Variants in COPS4 observed in about 807,000 individuals in gnomAD.
The protein encoded by COPS4 is COP9 signalosome subunit 4.
In COPS4, 8 loss-of-function variants were observed where a neutral mutation model predicts 55.1. That is an observed-to-expected ratio of 0.15 (90% CI 0.09 to 0.26). COPS4 has a LOEUF of 0.26. Among genes scored for constraint, COPS4 ranks in the 10% least tolerant of loss-of-function variants. The pLI is 1.00. For missense variants in COPS4, 248 were observed against 484.0 expected, an observed-to-expected ratio of 0.51 and a Z score of 4.58; for synonymous variants, 185 against 165.7, an observed-to-expected ratio of 1.12 and a Z score of -0.90.
intron 1 of COPS4, among the ~76,000 whole-genome samples, chr4:83,037,415 C>T (rs1730453083): frequency 6.6e-6 from 1 of 152,208 alleles, no homozygotes; most frequent in African/African-American, 2.4e-5. Flanking sequence ...GTTACTGTAG[C>T]AGTCTACCAC....
At chr4:83,045,509 C>T (rs1241511456) in intron 1 of COPS4, 117 bp from the exon 2 acceptor site, 3 of 676,128 alleles carry the variant, frequency 4.4e-6, no homozygotes, top group Non-Finnish European at 7.2e-6. Context: ...AAGAAAACCA[C>T]AAACTATAGT....
chr4:83,058,044 A>T (rs1560440327), intron 6 of COPS4, among the ~76,000 whole-genome samples: 2 of 151,462 alleles, frequency 1.3e-5, no homozygotes, highest in African/African-American at 4.8e-5. Flanking sequence ...CTATAGATTG[A>T]TGAAATGATA....
chr4:83,036,709 T>C (rs1172175734), intron 1 of COPS4, among the ~76,000 whole-genome samples: 1 of 152,186 alleles, frequency 6.6e-6, no homozygotes, highest in Non-Finnish European at 1.5e-5. Flanking sequence ...TATTCACTTA[T>C]TGTATGGGTT....
At position 83,054,233 on chromosome 4, in the gene COPS4, T is replaced by C. The variant is rs113445504; in HGVS notation, c.411-2693T>C. 7.2e-3 allele frequency among the ~76,000 whole-genome samples: 1,090 copies of C among 152,078 alleles called. 15 individuals carry two copies. Among genetic ancestry groups the C allele is most frequent in the Middle Eastern group, 0.01 (3 of 294 alleles). ...GGCAGGCGCCTGTAGTCCCAGCTAC[T>C]TGGGAGGCTGAGGCAGGAGAATGGT... On this transcript the variant is annotated intron_variant, in intron 4 of 9. Transcript: ENST00000264389.
chr4:83,062,277 A>G (rs1731178529), intron 6 of COPS4, among the ~76,000 whole-genome samples: 1 of 152,236 alleles, frequency 6.6e-6, no homozygotes, highest in South Asian at 2.1e-4. Flanking sequence ...GAAAAGGAAA[A>G]TAGAAATCAC....
chr4:83,070,838 A>C (rs114832341), intron 9 of COPS4, among the ~76,000 whole-genome samples: 143 of 152,336 alleles, frequency 9.4e-4, no homozygotes, highest in African/African-American at 3.4e-3. Flanking sequence ...CACTGTAATG[A>C]ATGTCTTCCC....
At chr4:83,037,644 TG>T (rs1036046756) in intron 1 of COPS4, among the ~76,000 whole-genome samples, 2 of 152,196 alleles carry the variant, frequency 1.3e-5, no homozygotes, top group African/African-American at 4.8e-5. Flanking sequence ...TATATCAGTG[TG>T]TTTTTTTTTA....
chr4:83,048,524 C>T (rs1730776418), intron 2 of COPS4, among the ~76,000 whole-genome samples: 1 of 151,844 alleles, frequency 6.6e-6, no homozygotes, highest in Non-Finnish European at 1.5e-5. Context: ...TGTTTTTGTG[C>T]CTTCACTTTG....
At chr4:83,048,313 G>A (rs1462415867) in intron 2 of COPS4, among the ~76,000 whole-genome samples, 1 of 152,090 alleles carries the variant, frequency 6.6e-6, no homozygotes, top group East Asian at 1.9e-4. Flanking sequence ...ATAATACCTC[G>A]TAAATGTTTA....
chr4:83,049,250 C>G lies in COPS4; in HGVS notation c.239C>G (p.Thr80Arg), dbSNP rs1372111457. The G allele has an allele frequency of 6.2e-7, 1 of 1,612,004 alleles. No individual in the cohort carries two copies. Among genetic ancestry groups the G allele is most frequent in the Admixed American group, 1.7e-5 (1 of 59,702 alleles). ...CTHLPNLPDS[T>R]AKEIYHFTLE... ...CATCTTCCTAACTTGCCTGATAGCA[C>G]AGCCAAAGAAATCTATCACTTCACC... The change falls in exon 3 of 10, where the codon ACA (threonine) becomes AGA (arginine). Residue 80 changes from threonine (T) to arginine (R), a missense_variant. Physicochemically the swap from Thr to Arg is moderately conservative, Grantham distance 71 (BLOSUM62 -1). Transcript: ENST00000264389.
intron 8 of COPS4, 87 bp from the exon 9 acceptor site, chr4:83,068,351 T>C: frequency 3.4e-6 from 3 of 874,154 alleles, no homozygotes; most frequent in Admixed American, 2.2e-5. Flanking sequence ...TGATGGTAGT[T>C]AAACCAGAAG....
chr4:83,048,963 T>G (rs1319720329), intron 2 of COPS4, among the ~76,000 whole-genome samples: 1 of 152,038 alleles, frequency 6.6e-6, no homozygotes, highest in Non-Finnish European at 1.5e-5. Context: ...TGTTTTTGTG[T>G]GGTCATTGTG....
At chr4:83,038,154 A>C (rs1730473414) in intron 1 of COPS4, among the ~76,000 whole-genome samples, 1 of 152,226 alleles carries the variant, frequency 6.6e-6, no homozygotes, top group African/African-American at 2.4e-5. Context: ...GCCCCTTCTA[A>C]CTCAGATTCT....
In COPS4 at chr4:83,035,869, C is replaced by G. The variant is rs940641185; in HGVS notation, c.74+571C>G. The G allele has an allele frequency of 2.6e-5, 4 of 155,496 alleles. No homozygotes were observed. In the East Asian group the frequency reaches 7.6e-4, roughly 30 times the overall value. The allele number at this position is 155,496 out of a possible 1,614,324, so 9.6% of individuals were successfully genotyped here. A position where few individuals can be genotyped will look rare whatever the true frequency, so the allele number is the denominator to read the frequency against. Reference sequence around the variant, plus strand: ...TTCTCTGCCACCAACTCTGATGGCACATAGGCGGAATGTGCTCATATCGTG... The same window carrying G: ...TTCTCTGCCACCAACTCTGATGGCAGATAGGCGGAATGTGCTCATATCGTG... On this transcript the variant is annotated intron_variant, in intron 1 of 9. Coordinates refer to ENST00000264389, the MANE Select transcript of COPS4 (RefSeq NM_016129.3).
Position 83,075,604 on chromosome 4 carries a change from T to C in COPS4, c.*174T>C. 1.6e-6 allele frequency: 1 copy of C among 616,676 alleles called. No individual in the cohort carries two copies. The highest frequency in any genetic ancestry group is 2.6e-6 in the Non-Finnish European group (1 of 387,610). The allele number at this position is 616,676 out of a possible 1,614,324, so 38.2% of individuals were successfully genotyped here. ...AGTACAAGCATTTAAAATATGTAGT[T>C]CCCATATATTTCAGGGTCTCTGTGT... is the stretch of plus-strand genomic sequence containing the variant. On this transcript the variant is annotated 3_prime_UTR_variant, in exon 10 of 10. Coordinates refer to ENST00000264389, the MANE Select transcript of COPS4 (RefSeq NM_016129.3).
intron 9 of COPS4, among the ~76,000 whole-genome samples, chr4:83,070,148 T>G (rs1258433676): frequency 6.6e-6 from 1 of 152,224 alleles, no homozygotes; most frequent in African/African-American, 2.4e-5. Flanking sequence ...TTTCCTCTTA[T>G]ATCTCCAGCT....
intron 2 of COPS4, 86 bp downstream of exon 2, chr4:83,045,791 A>G: frequency 7.7e-6 from 6 of 779,884 alleles, no homozygotes; most frequent in Non-Finnish European, 1.3e-5. Context: ...GTATCAAATT[A>G]TCAATATTAA....
rs755002006 is a variant in COPS4, at chr4:83,057,419, A to T, written c.715+11A>T. Reference sequence around the variant, plus strand: ...TCTTAGCATCAGCAGGTAAACACGTAATAATTTATACTTAAATGAACAGTT... The same window carrying T: ...TCTTAGCATCAGCAGGTAAACACGTTATAATTTATACTTAAATGAACAGTT... On this transcript the variant is annotated intron_variant, in intron 6 of 9. Transcript: ENST00000264389. The T allele has an allele frequency of 5.8e-6, 9 of 1,547,106 alleles. No individual in the cohort carries two copies. In the South Asian group the frequency reaches 1.0e-4, roughly 17 times the overall value.
In COPS4 at chr4:83,063,024, AAACATTGTGAAAAT is replaced by A. The variant is rs1731201168; in HGVS notation, c.716-39_716-26del. 21 of 1,451,428 alleles carry A rather than the reference AAACATTGTGAAAAT, an allele frequency of 1.4e-5. 2 individuals are homozygous for A. The South Asian group carries it at 2.9e-4, about 20-fold the overall frequency. 89.9% of individuals were successfully genotyped at this position (1,451,428 alleles called of 1,614,324 possible). On this transcript the variant is annotated intron_variant, in intron 6 of 9. Coordinates refer to ENST00000264389, the MANE Select transcript of COPS4 (RefSeq NM_016129.3). ...TAAGATAGGTTTTTTTTTCCTGAAG[AAACATTGTGAAAAT>A]AACATTGTGAAATTTGATGCTCATT...
Sources: gnomAD v4.1 joint callset for allele counts (sites outside exome capture counted in the v4.1 genomes callset) on GRCh38, gnomAD v4.1.1 for gene constraint, MANE v1.5 for transcripts, NCBI Gene and HGNC (gene_info 2026-07-23, HGNC 2026-07-21) for gene names.